Variants in S1PR3 observed in about 807,000 individuals in gnomAD.
S1PR3 encodes the protein sphingosine 1-phosphate receptor 3.
Under a neutral mutation model 13.3 loss-of-function variants are expected in S1PR3, and 12 were observed. That is an observed-to-expected ratio of 0.90 (90% confidence interval 0.58 to 1.46). S1PR3 has a LOEUF of 1.46. S1PR3 is among the 40% of genes most tolerant of loss of function. The pLI is 0.00. For synonymous variants in S1PR3, 232 were observed against 214.0 expected, an observed-to-expected ratio of 1.08 and a Z score of -0.73; for missense variants, 450 against 501.9, an observed-to-expected ratio of 0.90 and a Z score of 0.99.
chr9:89,000,774 A>T (rs1158397748), intron 1 of S1PR3: 1 of 183,548 alleles, frequency 5.4e-6, no homozygotes, highest in Non-Finnish European at 1.2e-5. Context: ...AGATTTCCAG[A>T]TGGAAGCTGT....
At chr9:88,995,432 T>G (rs1234200402) in intron 1 of S1PR3, 1 of 167,134 alleles carries the variant, frequency 6.0e-6, no homozygotes, top group Non-Finnish European at 1.5e-5. Context: ...CTCCTCTCTC[T>G]GGCTCACCCT....
intron 1 of S1PR3, chr9:88,993,960 G>T: frequency 6.1e-6 from 1 of 163,436 alleles, no homozygotes. Flanking sequence ...GGTGCTCTTC[G>T]GCCTTGCAGA....
chr9:88,991,342 C>T, upstream of S1PR3: 2 of 601,596 alleles, frequency 3.3e-6, no homozygotes, highest in Non-Finnish European at 4.2e-6. The surrounding 1 kb of genome is among the most constrained non-coding windows in gnomAD (Gnocchi z 4.0). Flanking sequence ...GCCGGGTTCG[C>T]GGGCGGGGGA....
At chr9:88,997,134 A>G (rs1825812122) in intron 1 of S1PR3, 2 of 152,236 alleles carry the variant, frequency 1.3e-5, no homozygotes, top group South Asian at 4.1e-4. Context: ...AATCATATTT[A>G]ACAAAAGATG....
chr9:89,001,943 T>G lies in S1PR3; in HGVS notation c.743T>G (p.Val248Gly), dbSNP rs1208658943. 10 of 1,614,164 alleles carry G rather than the reference T, an allele frequency of 6.2e-6. No homozygotes were observed. In the South Asian group the frequency reaches 1.1e-4, roughly 18 times the overall value. The change falls in exon 2 of 2, where the codon GTG (valine) becomes GGG (glycine). Residue 248 changes from valine to glycine, a missense_variant. Transcript: ENST00000358157. ...GCACTGCTGCGGACCGTGGTGATTG[T>G]GGTGAGCGTGTTCATCGCCTGCTGG... is the stretch of plus-strand genomic sequence containing the variant. ...SMALLRTVVI[V>G]VSVFIACWSP...
rs756645623 is a variant in S1PR3 at position 88,991,931 on chromosome 9, G to C, written c.-148+236G>C. The stretch of plus-strand genomic sequence containing the variant: ...ACGGGCTGGAGCTGAATACCTGGAT[G>C]AAAGTGGAGAGGCTGTTCGTGGAGA... On this transcript the variant is annotated intron_variant, in intron 1 of 1. Transcript: ENST00000358157. This position sits in a 1 kb window ranked among gnomAD's most constrained non-coding sequence, Gnocchi z 4.0. 1 of 1,614,110 alleles carries C rather than the reference G, an allele frequency of 6.2e-7. No individual in the cohort carries two copies. The highest frequency in any genetic ancestry group is 1.3e-5 in the African/African-American group (1 of 74,944).
chr9:88,992,047 G>C (rs1015732302), intron 1 of S1PR3: 123 of 1,597,614 alleles, frequency 7.7e-5, no homozygotes, highest in Non-Finnish European at 1.0e-4. Context: ...GAGGGTTGTG[G>C]TCGTTAGCCT....
chr9:88,997,266 T>C (rs887188453), intron 1 of S1PR3: 2 of 152,190 alleles, frequency 1.3e-5, no homozygotes, highest in Admixed American at 1.3e-4. Context: ...CTCTGGCAAA[T>C]CTTATACTAT....
Position 88,991,963 on chromosome 9 carries a change from A to G in S1PR3, c.-148+268A>G, listed in dbSNP as rs1011922975. ...GAGAGGCTGTTCGTGGAGAAGTTCCATCAGTCGTTTTCCTTGGACAATTAA... is the reference window on the plus strand; with the variant it reads ...GAGAGGCTGTTCGTGGAGAAGTTCCGTCAGTCGTTTTCCTTGGACAATTAA... On this transcript the variant is annotated intron_variant, in intron 1 of 1. Transcript: ENST00000358157. The surrounding 1 kb of genome is among the most constrained non-coding windows in gnomAD (Gnocchi z 4.0). The G allele has an allele frequency of 5.0e-6, 8 of 1,614,126 alleles. No homozygotes were observed. The highest frequency in any genetic ancestry group is 5.1e-6 in the Non-Finnish European group (6 of 1,180,052).
chr9:88,991,221 G>A (rs867630503), upstream of S1PR3: 2 of 1,570,442 alleles, frequency 1.3e-6, no homozygotes, highest in Non-Finnish European at 1.7e-6. The surrounding 1 kb of genome is among the most constrained non-coding windows in gnomAD (Gnocchi z 4.0). Flanking sequence ...GCCGAAGGGC[G>A]AGCCGGACCC....
At position 89,001,129 on chromosome 9, in the gene S1PR3, T is replaced by G; in HGVS notation, c.-72T>G. ...ATGAAGCCGGAACCTCAGCCCCGCTTCCCTTTGAAATGAATGTTCCTGGGG... is the reference window on the plus strand; with the variant it reads ...ATGAAGCCGGAACCTCAGCCCCGCTGCCCTTTGAAATGAATGTTCCTGGGG... On this transcript the variant is annotated 5_prime_UTR_variant, in exon 2 of 2. Transcript: ENST00000358157. The G allele has an allele frequency of 6.5e-7, 1 of 1,544,032 alleles. No individual in the cohort carries two copies.
chr9:88,998,257 C>G (rs567001864), intron 1 of S1PR3: 2 of 152,446 alleles, frequency 1.3e-5, no homozygotes, highest in African/African-American at 4.8e-5. Flanking sequence ...CAGGCAATCA[C>G]TTGAGGTCAG....
intron 1 of S1PR3, chr9:88,997,482 G>C (rs1333991807): frequency 6.6e-6 from 1 of 152,222 alleles, no homozygotes; most frequent in African/African-American, 2.4e-5. Context: ...AAAATGGTAG[G>C]GTCAGGTTGT....
At position 88,991,789 on chromosome 9, in the gene S1PR3, C is replaced by A. The variant is rs776959932; in HGVS notation, c.-148+94C>A. ...CAACAAAATCCCCACCGATCCCGGG[C>A]GCGACGGGGACTTGGGCGCGCCACG... On this transcript the variant is annotated intron_variant, in intron 1 of 1. Coordinates refer to ENST00000358157, the MANE Select transcript of S1PR3 (RefSeq NM_005226.4). The surrounding 1 kb of genome is among the most constrained non-coding windows in gnomAD (Gnocchi z 4.0). The A allele has an allele frequency of 6.3e-7, 1 of 1,594,796 alleles. No homozygotes were observed. The highest frequency in any genetic ancestry group is 1.1e-5 in the South Asian group (1 of 89,164).
intron 1 of S1PR3, chr9:88,992,128 A>G: frequency 8.4e-7 from 1 of 1,197,156 alleles, no homozygotes; most frequent in Non-Finnish European, 1.2e-6. Context: ...AAACAAGGCA[A>G]TTAGGGCCGT....
At position 89,001,392 on chromosome 9, in the gene S1PR3, C is replaced by G; in HGVS notation, c.192C>G (p.Ile64Met). 1.9e-6 allele frequency: 3 copies of G among 1,614,210 alleles called. No homozygotes were observed. The highest frequency in any genetic ancestry group is 1.1e-5 in the South Asian group (1 of 91,088). ...VLENLMVLIA[I>M]WKNNKFHNRM... ...AGAACCTGATGGTTTTGATTGCCATCTGGAAAAACAATAAATTTCACAACC... is the reference window on the plus strand; with the variant it reads ...AGAACCTGATGGTTTTGATTGCCATGTGGAAAAACAATAAATTTCACAACC... The change falls in exon 2 of 2, where the codon ATC (isoleucine) becomes ATG (methionine). Residue 64 changes from isoleucine (I) to methionine (M), a missense_variant. Ile to Met is a conservative substitution (Grantham distance 10). Coordinates refer to ENST00000358157, the MANE Select transcript of S1PR3 (RefSeq NM_005226.4).
chr9:89,002,132 G>T lies in S1PR3; in HGVS notation c.932G>T (p.Arg311Leu), dbSNP rs764521861. Reference sequence around the variant, plus strand: ...AAGGAGATGCGGCGGGCCTTCTTCCGTCTGGTCTGCAACTGCCTGGTCAGG... The same window carrying T: ...AAGGAGATGCGGCGGGCCTTCTTCCTTCTGGTCTGCAACTGCCTGGTCAGG... ...ASKEMRRAFF[R>L]LVCNCLVRGR... The change falls in exon 2 of 2, where the codon CGT (arginine) becomes CTT (leucine). Residue 311 changes from arginine to leucine, a missense_variant. Coordinates refer to ENST00000358157, the MANE Select transcript of S1PR3 (RefSeq NM_005226.4). 2 of 1,613,548 alleles carry T rather than the reference G, an allele frequency of 1.2e-6. No homozygotes were observed. Among genetic ancestry groups the T allele is most frequent in the Non-Finnish European group, 1.7e-6 (2 of 1,180,000 alleles).
In S1PR3 at chr9:89,004,494, T is replaced by C. The variant is rs574707280; in HGVS notation, c.*2157T>C. 2 of 167,108 alleles carry C rather than the reference T, an allele frequency of 1.2e-5. No homozygotes were observed. The highest frequency in any genetic ancestry group is 2.9e-5 in the Non-Finnish European group (2 of 68,130). The allele number at this position is 167,108 out of a possible 1,614,324, so 10.4% of individuals were successfully genotyped here. On this transcript the variant is annotated 3_prime_UTR_variant, in exon 2 of 2. Coordinates refer to ENST00000358157, the MANE Select transcript of S1PR3 (RefSeq NM_005226.4). ...TTTTCACATAGGTGATGAAATGACTTTGGAACTTTATCTGTGTTATAGTTA... is the reference window on the plus strand; with the variant it reads ...TTTTCACATAGGTGATGAAATGACTCTGGAACTTTATCTGTGTTATAGTTA...
In S1PR3 at chr9:89,001,252, C is replaced by T. The variant is rs1435454853; in HGVS notation, c.52C>T (p.Leu18=). ...CCAGCCGGTGCGGGGGAACGAGACC[C>T]TGCGGGAGCATTACCAGTACGTGGG... ...RLQPVRGNET[L]REHYQYVGKL... is the part of the protein sequence containing the mutation. The change falls in exon 2 of 2, where the codon CTG becomes TTG. Residue 18 remains leucine (L), a synonymous_variant. Coordinates refer to ENST00000358157, the MANE Select transcript of S1PR3 (RefSeq NM_005226.4). 1 of 1,614,152 alleles carries T rather than the reference C, an allele frequency of 6.2e-7. No individual in the cohort carries two copies. Among genetic ancestry groups the T allele is most frequent in the Non-Finnish European group, 8.5e-7 (1 of 1,180,010 alleles).
Sources: allele counts gnomAD v4.1 joint callset, GRCh38; gene constraint gnomAD v4.1.1; non-coding constraint Gnocchi (gnomAD v3.1); transcripts MANE v1.5; gene names NCBI Gene and HGNC (gene_info 2026-07-23, HGNC 2026-07-21).